The following SOX5 variants were observed in gnomAD, a reference collection of about 807,000 sequenced individuals.
SOX5 encodes the protein transcription factor SOX-5.
A neutral mutation model predicts 92.0 loss-of-function variants in SOX5; 9 were observed. The ratio of observed to expected loss-of-function variants is 0.10; its 90% CI spans 0.06 to 0.17. The LOEUF is 0.17. Among genes scored for constraint, SOX5 ranks in the 10% least tolerant of loss-of-function variants. SOX5 has a pLI of 1.00. For missense variants in SOX5, 642 were observed against 944.5 expected, an observed-to-expected ratio of 0.68 and a Z score of 4.20; for synonymous variants, 344 against 336.3, an observed-to-expected ratio of 1.02 and a Z score of -0.25.
intron 2 of SOX5, among the ~76,000 whole-genome samples, chr12:23,877,176 A>G (rs1049234946): frequency 1.3e-5 from 2 of 152,088 alleles, no homozygotes; most frequent in African/African-American, 4.8e-5. Context: ...TTTATTTAAG[A>G]TTTTTGCATC....
intron 1 of SOX5, among the ~76,000 whole-genome samples, chr12:23,926,414 A>T (rs4287403): frequency 0.38 from 57,788 of 151,894 alleles, 11,538 homozygotes; most frequent in Non-Finnish European, 0.44. Context: ...GAAAGCGAGT[A>T]TTATAAAGAT....
In SOX5 at chr12:24,060,732, G is replaced by A. The variant is rs564402779; in HGVS notation, c.-2+152611C>T. Among the ~76,000 whole-genome samples the A allele has an allele frequency of 1.9e-4, 29 of 152,256 alleles. No individual in the cohort carries two copies. The South Asian group carries it at 5.0e-3, about 26-fold the overall frequency. ...AGCCAAACTAATGGGTTCTCTATGC[G>A]GGACTTCGATAAAGCTATAAAGAAA... On this transcript the variant is annotated intron_variant, in intron 4 of 4. Coordinates refer to the SOX5 transcript ENST00000446891.
At chr12:24,359,318 A>C (rs1238680281) in intron 2 of SOX5, among the ~76,000 whole-genome samples, 2 of 152,216 alleles carry the variant, frequency 1.3e-5, no homozygotes, top group Admixed American at 6.5e-5. Flanking sequence ...TTACTCATGA[A>C]GTTAAGGCTG....
At position 23,682,790 on chromosome 12, in the gene SOX5, A is replaced by G. The variant is rs144501317; in HGVS notation, c.811-17226T>C. On this transcript the variant is annotated intron_variant, in intron 6 of 14. Coordinates refer to ENST00000451604, the MANE Select transcript of SOX5 (RefSeq NM_006940.6). ...ACATGTATAAAAATGTTTTTCAAAA[A>G]TTGAAAATAAAACAGCAATGAAATT... is the stretch of plus-strand genomic sequence containing the variant. Among the ~76,000 whole-genome samples, 603 of 151,974 alleles carry G rather than the reference A, an allele frequency of 4.0e-3. 2 individuals are homozygous for G. The highest frequency in any genetic ancestry group is 0.014 in the African/African-American group (584 of 41,560).
chr12:23,643,373 G>C (rs1261276350), intron 7 of SOX5, among the ~76,000 whole-genome samples: 2 of 152,138 alleles, frequency 1.3e-5, no homozygotes, highest in Admixed American at 6.5e-5. Flanking sequence ...AAAGAGTTCT[G>C]TTTTAGATAT....
chr12:24,426,529 T>C (rs1966789853), intron 1 of SOX5, among the ~76,000 whole-genome samples: 1 of 152,236 alleles, frequency 6.6e-6, no homozygotes, highest in African/African-American at 2.4e-5. Context: ...ATATCAGAAC[T>C]CACATTTATC....
intron 4 of SOX5, among the ~76,000 whole-genome samples, chr12:23,980,778 G>T (rs1949502770): frequency 6.6e-6 from 1 of 151,918 alleles, no homozygotes; most frequent in African/African-American, 2.4e-5. Flanking sequence ...TCACCCCTTT[G>T]GCCCAAGGAT....
chr12:24,129,015 G>A (rs148476299), intron 4 of SOX5, among the ~76,000 whole-genome samples: 8 of 152,234 alleles, frequency 5.3e-5, no homozygotes, highest in African/African-American at 1.9e-4. Context: ...GGATTTAAAC[G>A]CAATTATGCA....
intron 3 of SOX5, among the ~76,000 whole-genome samples, chr12:24,258,063 C>T (rs1941509409): frequency 6.6e-6 from 1 of 152,082 alleles, no homozygotes; most frequent in Non-Finnish European, 1.5e-5. Flanking sequence ...GTCCCAGCTA[C>T]TTGGGAAGCT....
At chr12:24,533,980 C>T (rs1951414517) in intron 1 of SOX5, among the ~76,000 whole-genome samples, 1 of 152,112 alleles carries the variant, frequency 6.6e-6, no homozygotes, top group Non-Finnish European at 1.5e-5. Flanking sequence ...CTATGGGGTC[C>T]AAAGGAGGCT....
intron 6 of SOX5, among the ~76,000 whole-genome samples, chr12:23,706,494 G>A (rs1425710379): frequency 2.0e-5 from 3 of 151,970 alleles, no homozygotes; most frequent in African/African-American, 7.2e-5. Flanking sequence ...ACTCCTAGCT[G>A]TAATTAAAAG....
chr12:24,037,507 G>C (rs982618443), intron 4 of SOX5, among the ~76,000 whole-genome samples: 2 of 152,096 alleles, frequency 1.3e-5, no homozygotes, highest in African/African-American at 2.4e-5. Context: ...CTGCCCATAT[G>C]GTGACTTCAA....
intron 1 of SOX5, among the ~76,000 whole-genome samples, chr12:24,389,546 A>G (rs939500922): frequency 2.0e-5 from 3 of 152,292 alleles, no homozygotes; most frequent in Admixed American, 6.5e-5. Flanking sequence ...TCCATTAGCT[A>G]TTCTTCCTGA....
intron 2 of SOX5, among the ~76,000 whole-genome samples, chr12:24,289,031 T>C (rs1343416835): frequency 6.6e-6 from 1 of 152,150 alleles, no homozygotes; most frequent in African/African-American, 2.4e-5. Context: ...CACATGTCCC[T>C]TTAAGAATCT....
chr12:24,027,271 C>A (rs1441861819), intron 4 of SOX5, among the ~76,000 whole-genome samples: 5 of 151,928 alleles, frequency 3.3e-5, no homozygotes, highest in South Asian at 2.1e-4. Context: ...TGACTTCTGG[C>A]ACCATCTGTA....
intron 3 of SOX5, among the ~76,000 whole-genome samples, chr12:24,250,053 T>C (rs1206835056): frequency 2.0e-5 from 3 of 152,176 alleles, no homozygotes; most frequent in Admixed American, 1.3e-4. Flanking sequence ...AGAGAAATCA[T>C]AATACTAAGG....
chr12:24,471,192 A>C (rs112017501), intron 1 of SOX5, among the ~76,000 whole-genome samples: 2,843 of 152,208 alleles, frequency 0.019, 97 homozygotes, highest in African/African-American at 0.066. Context: ...GCCTCCTCAC[A>C]CTCTTGTATC....
intron 4 of SOX5, among the ~76,000 whole-genome samples, chr12:24,144,303 A>G (rs1042262005): frequency 2.6e-5 from 4 of 152,170 alleles, no homozygotes; most frequent in Non-Finnish European, 4.4e-5. Flanking sequence ...ATTTGAAAGG[A>G]AGTCCTTTAA....
At chr12:23,567,692 A>C (rs1947381592) in intron 10 of SOX5, among the ~76,000 whole-genome samples, 1 of 151,886 alleles carries the variant, frequency 6.6e-6, no homozygotes, top group South Asian at 2.1e-4. Flanking sequence ...CTGGATTCAC[A>C]CAATTCTCCT....
Sources: gnomAD v4.1 joint callset for allele counts (sites outside exome capture counted in the v4.1 genomes callset) on GRCh38, gnomAD v4.1.1 for gene constraint, MANE v1.5 for transcripts, NCBI Gene and HGNC (gene_info 2026-07-23, HGNC 2026-07-21) for gene names.